The following NUAK1 variants were observed in gnomAD, a reference collection of about 807,000 sequenced individuals.
NUAK1 encodes the protein NUAK family kinase 1, also known as NUAK family SNF1-like kinase 1.
NUAK1 carries 26 observed loss-of-function variants against 56.9 expected under a neutral mutation model. That is an observed-to-expected ratio of 0.46 (90% confidence interval 0.33 to 0.63). The LOEUF (loss-of-function observed/expected upper bound fraction) is 0.63. Among genes scored for constraint, NUAK1 ranks in the 30% least tolerant of loss-of-function variants. NUAK1 has a pLI of 0.02. For synonymous variants in NUAK1, 337 were observed against 336.0 expected, an observed-to-expected ratio of 1.00 and a Z score of -0.03; for missense variants, 727 against 876.1, an observed-to-expected ratio of 0.83 and a Z score of 2.15.
intron 6 of NUAK1, among the ~76,000 whole-genome samples, chr12:106,070,561 TC>T (rs1355250047): frequency 6.6e-6 from 1 of 152,144 alleles, no homozygotes; most frequent in Non-Finnish European, 1.5e-5. Context: ...CAAACAGGAC[TC>T]CTAGAAGGTG....
Position 106,066,589 on chromosome 12 carries a change from C to A in NUAK1, c.*213G>T. The A allele has an allele frequency of 1.7e-6, 1 of 591,636 alleles. No individual in the cohort carries two copies. Among genetic ancestry groups the A allele is most frequent in the Non-Finnish European group, 3.0e-6 (1 of 332,986 alleles). The allele number at this position is 591,636 out of a possible 1,614,324, so 36.6% of individuals were successfully genotyped here. ...CCATAAAGCAAATGCCAAACAGGGC[C>A]CAAATTCTGACTGACAATTGACAGA... is the stretch of plus-strand genomic sequence containing the variant. On this transcript the variant is annotated 3_prime_UTR_variant, in exon 7 of 7. Transcript: ENST00000261402.
In NUAK1 at chr12:106,067,983, G is replaced by C; in HGVS notation, c.833-28C>G. The C allele has an allele frequency of 1.9e-6, 3 of 1,566,026 alleles. No homozygotes were observed. The highest frequency in any genetic ancestry group is 2.6e-6 in the Non-Finnish European group (3 of 1,154,408). On this transcript the variant is annotated intron_variant, in intron 6 of 6. Transcript: ENST00000261402. This position sits in a 1 kb window ranked among gnomAD's most constrained non-coding sequence, Gnocchi z 6.0. ...AAGGGACAAGGGACAAAAAGAATCG[G>C]GCATTATGTGGGAGCTTCTGGCTTT...
Position 106,065,091 on chromosome 12 carries a change from G to T in NUAK1, c.*1711C>A, listed in dbSNP as rs940395850. The T allele has an allele frequency of 6.6e-6, 1 of 152,172 alleles. No homozygotes were observed. The highest frequency in any genetic ancestry group is 2.4e-5 in the African/African-American group (1 of 41,422). The allele number at this position is 152,172 out of a possible 1,614,324, so 9.4% of individuals were successfully genotyped here. On this transcript the variant is annotated 3_prime_UTR_variant, in exon 7 of 7. Transcript: ENST00000261402. ...ACTATTGTTTGTTGGTTTTTCCAAAGATGTTCCCAAGACCAGTCCTCTTTT... is the reference window on the plus strand; with the variant it reads ...ACTATTGTTTGTTGGTTTTTCCAAATATGTTCCCAAGACCAGTCCTCTTTT...
At chr12:106,082,861 T>A (rs189995148) in intron 4 of NUAK1, among the ~76,000 whole-genome samples, 1 of 152,108 alleles carries the variant, frequency 6.6e-6, no homozygotes, top group East Asian at 1.9e-4. Context: ...AACAAAAAAA[T>A]CATTCCCATG....
chr12:106,110,213 A>G (rs2032844554), intron 1 of NUAK1, among the ~76,000 whole-genome samples: 2 of 152,202 alleles, frequency 1.3e-5, no homozygotes, highest in East Asian at 1.9e-4. Flanking sequence ...TCAGCTGAAC[A>G]GGGCACAAAT....
chr12:106,095,822 A>G (rs984828713), intron 2 of NUAK1, among the ~76,000 whole-genome samples: 2 of 152,208 alleles, frequency 1.3e-5, no homozygotes, highest in African/African-American at 4.8e-5. Context: ...AGGTGAAGGC[A>G]AGCCTAGCTC....
chr12:106,117,047 C>G (rs2136477527), intron 1 of NUAK1, among the ~76,000 whole-genome samples: 1 of 152,302 alleles, frequency 6.6e-6, no homozygotes, highest in South Asian at 2.1e-4. Flanking sequence ...ACTGGAAAGG[C>G]CAGTAGACAC....
chr12:106,124,996 CAATAAATAAATAAATAAATA>C (rs55900706), intron 1 of NUAK1, among the ~76,000 whole-genome samples: 2 of 147,000 alleles, frequency 1.4e-5, no homozygotes, highest in Non-Finnish European at 3.0e-5. Context: ...GACTCCATCT[CAATAAATAAATAAATAAATA>C]AATAAATAAA....
chr12:106,136,435 C>A (rs1275297783), intron 1 of NUAK1, among the ~76,000 whole-genome samples: 2 of 152,170 alleles, frequency 1.3e-5, no homozygotes, highest in Non-Finnish European at 2.9e-5. Flanking sequence ...AGACATCCCC[C>A]AAAAGAGAAA....
chr12:106,080,992 G>T (rs1438793948), intron 4 of NUAK1, among the ~76,000 whole-genome samples: 1 of 152,240 alleles, frequency 6.6e-6, no homozygotes, highest in African/African-American at 2.4e-5. Context: ...GAAGAGTTGA[G>T]AATATACCAC....
chr12:106,130,701 G>A (rs1015151624), intron 1 of NUAK1, among the ~76,000 whole-genome samples: 19 of 152,254 alleles, frequency 1.2e-4, no homozygotes, highest in Admixed American at 1.2e-3. Flanking sequence ...CCGCTAGTAG[G>A]AGAGGGGCTG....
chr12:106,118,993 G>C (rs2032947551), intron 1 of NUAK1, among the ~76,000 whole-genome samples: 1 of 152,214 alleles, frequency 6.6e-6, no homozygotes, highest in Admixed American at 6.5e-5. Flanking sequence ...TTGCTTTCAA[G>C]TGTATTTCTG....
intron 4 of NUAK1, 80 bp downstream of exon 4, chr12:106,083,784 T>G: frequency 8.0e-7 from 1 of 1,244,408 alleles, no homozygotes; most frequent in Non-Finnish European, 1.2e-6. Flanking sequence ...ATTTCCAGGC[T>G]GCGGCTTGGA....
intron 1 of NUAK1, among the ~76,000 whole-genome samples, chr12:106,127,769 C>T (rs1042194015): frequency 6.6e-6 from 1 of 152,258 alleles, no homozygotes; most frequent in Non-Finnish European, 1.5e-5. Context: ...TCTCTTCCTA[C>T]GAGCTGGAAG....
At chr12:106,092,635 C>T (rs761107347) in intron 2 of NUAK1, among the ~76,000 whole-genome samples, 4 of 152,142 alleles carry the variant, frequency 2.6e-5, no homozygotes, top group Admixed American at 6.5e-5. Flanking sequence ...GTGAATGTAT[C>T]GTGTGGTTTA....
intron 3 of NUAK1, 90 bp from the exon 4 acceptor site, chr12:106,084,019 A>G (rs1448283029): frequency 1.8e-6 from 2 of 1,085,170 alleles, no homozygotes; most frequent in East Asian, 4.7e-5. Flanking sequence ...AGCAAAGGGA[A>G]ATGTCTGACA....
chr12:106,098,082 G>T (rs1399011755), intron 2 of NUAK1, among the ~76,000 whole-genome samples: 4 of 152,186 alleles, frequency 2.6e-5, no homozygotes, highest in Non-Finnish European at 5.9e-5. Context: ...CTTTTCCACA[G>T]CCCCTGTCTC....
At position 106,106,431 on chromosome 12, in the gene NUAK1, T is replaced by C. The variant is rs1402379967; in HGVS notation, c.335A>G (p.His112Arg). ...TTCATAAATACTGATGATATGAGGATGGTTGAGAGATGACATGATCTCAAT... is the reference window on the plus strand; with the variant it reads ...TTCATAAATACTGATGATATGAGGACGGTTGAGAGATGACATGATCTCAAT... ...REIEIMSSLNHPHIISIYEVF... is the reference protein window; with the variant it reads ...REIEIMSSLNRPHIISIYEVF... Residue 112 changes from histidine to arginine, a missense_variant, in exon 2 of 7, where the codon CAT becomes CGT. Transcript: ENST00000261402. The C allele has an allele frequency of 6.2e-7, 1 of 1,611,826 alleles. No homozygotes were observed. The highest frequency in any genetic ancestry group is 1.1e-5 in the South Asian group (1 of 90,782).
chr12:106,133,130 T>C (rs941817476), intron 1 of NUAK1, among the ~76,000 whole-genome samples: 4 of 152,134 alleles, frequency 2.6e-5, no homozygotes, highest in Non-Finnish European at 5.9e-5. Context: ...CATCTTACCT[T>C]ACCAATCCTG....
Sources: allele counts gnomAD v4.1 joint callset (sites outside exome capture counted in the v4.1 genomes callset), GRCh38; gene constraint gnomAD v4.1.1; non-coding constraint Gnocchi (gnomAD v3.1); transcripts MANE v1.5; gene names NCBI Gene and HGNC (gene_info 2026-07-23, HGNC 2026-07-21).